Variants in ERBB4 observed in about 807,000 individuals in gnomAD.
The protein encoded by ERBB4 is erb-b2 receptor tyrosine kinase 4, also known as receptor tyrosine-protein kinase erbB-4.
ERBB4 carries 42 observed loss-of-function variants against 158.0 expected under a neutral mutation model. That is an observed-to-expected ratio of 0.27 (90% CI 0.21 to 0.34). ERBB4 has a LOEUF of 0.34. ERBB4 is among the 10% of genes least tolerant of loss of function. The pLI, the probability that ERBB4 is intolerant of heterozygous loss-of-function variation, is 1.00. For synonymous variants in ERBB4, 583 were observed against 558.7 expected (o/e 1.04, Z -0.61); for missense variants, 1,333 against 1,624.1 (o/e 0.82, Z 3.08).
intron 1 of ERBB4, among the ~76,000 whole-genome samples, chr2:212,400,088 T>C (rs1381361089): frequency 2.0e-5 from 3 of 151,938 alleles, no homozygotes; most frequent in Non-Finnish European, 4.4e-5. Flanking sequence ...GAAGTTATAG[T>C]GAAGGAAAAG....
intron 3 of ERBB4, among the ~76,000 whole-genome samples, chr2:211,904,525 T>G (rs1176028820): frequency 6.6e-6 from 1 of 152,100 alleles, no homozygotes; most frequent in Admixed American, 6.6e-5. Flanking sequence ...AGAACTTATC[T>G]CAAAGCCATA....
chr2:211,922,541 A>G (rs2079884053), intron 3 of ERBB4, among the ~76,000 whole-genome samples: 1 of 152,182 alleles, frequency 6.6e-6, no homozygotes, highest in South Asian at 2.1e-4. Flanking sequence ...GCACTGTTAA[A>G]TAGTGGTGAA....
chr2:211,731,585 C>T (rs1329993639), intron 5 of ERBB4, among the ~76,000 whole-genome samples: 2 of 152,048 alleles, frequency 1.3e-5, no homozygotes, highest in Admixed American at 1.3e-4. Context: ...ATGCTTTAGA[C>T]ATCCACTTAA....
At chr2:212,511,824 C>G (rs1008181659) in intron 1 of ERBB4, among the ~76,000 whole-genome samples, 2 of 152,090 alleles carry the variant, frequency 1.3e-5, no homozygotes, top group African/African-American at 4.8e-5. Context: ...TGTAAAAATT[C>G]AGAAGCTCGA....
chr2:211,659,157 T>A (rs2071328634), intron 15 of ERBB4, among the ~76,000 whole-genome samples: 1 of 148,822 alleles, frequency 6.7e-6, no homozygotes, highest in African/African-American at 2.5e-5. Context: ...TAATATAATA[T>A]ACCTATAATA....
At chr2:211,830,165 G>A (rs1426917429) in intron 3 of ERBB4, among the ~76,000 whole-genome samples, 1 of 152,120 alleles carries the variant, frequency 6.6e-6, no homozygotes, top group Admixed American at 6.6e-5. Context: ...TGTCTTATTT[G>A]TTTACTTATT....
chr2:212,320,791 T>C (rs1052797765), intron 1 of ERBB4, among the ~76,000 whole-genome samples: 1 of 150,338 alleles, frequency 6.7e-6, no homozygotes, highest in Non-Finnish European at 1.5e-5. Flanking sequence ...ACTTGCCCTA[T>C]ATAACCTCCC....
Position 211,850,372 on chromosome 2 carries a change from G to GTA in ERBB4, c.422-62215_422-62214dup, listed in dbSNP as rs1559573338. Reference sequence around the variant, plus strand: ...TATACATATTCAACATATATGTAGTGTATATATATGTTGAATAATTTTTCA... The same window carrying GTA: ...TATACATATTCAACATATATGTAGTGTATATATATATGTTGAATAATTTTTCA... On this transcript the variant is annotated intron_variant, in intron 3 of 27. Coordinates refer to ENST00000342788, the MANE Select transcript of ERBB4 (RefSeq NM_005235.3). Among the ~76,000 whole-genome samples, 3 of 151,682 alleles carry GTA rather than the reference G, an allele frequency of 2.0e-5. No individual in the cohort carries two copies. In the East Asian group the frequency reaches 5.8e-4, roughly 29 times the overall value.
At chr2:211,856,005 T>C (rs984370169) in intron 3 of ERBB4, among the ~76,000 whole-genome samples, 1 of 152,190 alleles carries the variant, frequency 6.6e-6, no homozygotes, top group Admixed American at 6.5e-5. Flanking sequence ...AACTACTTCA[T>C]GGGTACAACG....
At chr2:212,193,728 A>G (rs978788410) in intron 1 of ERBB4, among the ~76,000 whole-genome samples, 1 of 152,126 alleles carries the variant, frequency 6.6e-6, no homozygotes, top group Non-Finnish European at 1.5e-5. Context: ...GGAATTTAAT[A>G]ATTGTCATCA....
intron 25 of ERBB4, among the ~76,000 whole-genome samples, chr2:211,402,902 G>A (rs1049869783): frequency 2.6e-5 from 4 of 151,908 alleles, no homozygotes; most frequent in African/African-American, 4.8e-5. Flanking sequence ...CCTGACAGCC[G>A]TTCCTCCTAC....
At chr2:212,429,513 T>C (rs2091981462) in intron 1 of ERBB4, among the ~76,000 whole-genome samples, 1 of 152,200 alleles carries the variant, frequency 6.6e-6, no homozygotes, top group African/African-American at 2.4e-5. Context: ...AATCCCCCTC[T>C]AAAATTTCAT....
chr2:211,608,050 A>G (rs1484239612), intron 19 of ERBB4, among the ~76,000 whole-genome samples: 1 of 151,598 alleles, frequency 6.6e-6, no homozygotes, highest in South Asian at 2.1e-4. Flanking sequence ...TTTTTTAAAT[A>G]AATTCAGAGG....
chr2:212,171,141 G>A (rs938108269), intron 1 of ERBB4, among the ~76,000 whole-genome samples: 6 of 152,214 alleles, frequency 3.9e-5, no homozygotes, highest in Admixed American at 6.5e-5. Flanking sequence ...TCAGCATGAC[G>A]TGGATGTGAG....
At chr2:211,620,143 G>T (rs995882126) in intron 18 of ERBB4, among the ~76,000 whole-genome samples, 2 of 152,078 alleles carry the variant, frequency 1.3e-5, no homozygotes, top group Non-Finnish European at 2.9e-5. Flanking sequence ...GGATGCACAG[G>T]TTGTACAAGA....
intron 1 of ERBB4, among the ~76,000 whole-genome samples, chr2:212,531,175 A>G (rs544694414): frequency 6.6e-6 from 1 of 152,144 alleles, no homozygotes; most frequent in African/African-American, 2.4e-5. Context: ...TCCAATTTCT[A>G]TCAGGAAATG....
intron 19 of ERBB4, among the ~76,000 whole-genome samples, chr2:211,584,067 G>A (rs553710809): frequency 6.7e-6 from 1 of 148,476 alleles, no homozygotes; most frequent in Admixed American, 6.9e-5. Context: ...GTAATTGCAA[G>A]AGCAAAAGCC....
intron 3 of ERBB4, among the ~76,000 whole-genome samples, chr2:211,920,495 T>C (rs1470810178): frequency 1.3e-5 from 2 of 151,978 alleles, no homozygotes; most frequent in Non-Finnish European, 2.9e-5. Context: ...ATACAGCCAA[T>C]TATTTTTGTA....
chr2:211,714,648 A>G (rs1313421263), intron 7 of ERBB4, among the ~76,000 whole-genome samples: 1 of 152,174 alleles, frequency 6.6e-6, no homozygotes, highest in African/African-American at 2.4e-5. Context: ...GTAGCACAGG[A>G]TTGCACACCA....
Sources: allele counts gnomAD v4.1 joint callset (sites outside exome capture counted in the v4.1 genomes callset), GRCh38; gene constraint gnomAD v4.1.1; transcripts MANE v1.5; gene names NCBI Gene and HGNC (gene_info 2026-07-23, HGNC 2026-07-21).